Variants in YIPF4 observed in about 807,000 individuals in gnomAD.
The protein encoded by YIPF4 is protein YIPF4.
A neutral mutation model predicts 29.4 loss-of-function variants in YIPF4; 18 were observed. That is an observed-to-expected ratio of 0.61 (90% CI 0.42 to 0.91). The LOEUF is 0.91. YIPF4 is among the 40% of genes least tolerant of loss of function. The pLI is 0.00. For missense variants in YIPF4, 279 were observed against 282.7 expected (o/e 0.99, Z 0.09); for synonymous variants, 115 against 104.7 (o/e 1.10, Z -0.60).
Position 32,316,042 on chromosome 2 carries a change from C to CAAAAAAAAAAAAAAAAAAAAAAAAACA in YIPF4, c.*10431_*10432insAAAAAAAAAACAAAAAAAAAAAAAAAA. The CAAAAAAAAAAAAAAAAAAAAAAAAACA allele has an allele frequency of 9.6e-6, 1 of 104,278 alleles. No homozygotes were observed. Among genetic ancestry groups the CAAAAAAAAAAAAAAAAAAAAAAAAACA allele is most frequent in the Non-Finnish European group, 2.1e-5 (1 of 48,228 alleles). The allele number at this position is 104,278 out of a possible 1,614,324, so 6.5% of individuals were successfully genotyped here. Reference sequence around the variant, plus strand: ...CCAAAAAGGAAAAAAAAAAAAAAACCAAAAAAAAAAAAAAAGTATAAAGCA... The same window carrying CAAAAAAAAAAAAAAAAAAAAAAAAACA: ...CCAAAAAGGAAAAAAAAAAAAAAACCAAAAAAAAAAAAAAAAAAAAAAAAACAAAAAAAAAAAAAAAAGTATAAAGCA... On this transcript the variant is annotated 3_prime_UTR_variant, in exon 6 of 6. Coordinates refer to ENST00000238831, the MANE Select transcript of YIPF4 (RefSeq NM_032312.4).
chr2:32,299,158 A>C (rs2031305116), intron 4 of YIPF4, among the ~76,000 whole-genome samples: 1 of 152,186 alleles, frequency 6.6e-6, no homozygotes, highest in Non-Finnish European at 1.5e-5. Context: ...ACCGGTGTGA[A>C]CCACTGTGCC....
chr2:32,303,503 C>T (rs535795925), intron 5 of YIPF4, among the ~76,000 whole-genome samples: 3 of 152,154 alleles, frequency 2.0e-5, no homozygotes, highest in East Asian at 1.9e-4. Context: ...GAGCCCAGTT[C>T]GAGACTCAAC....
At chr2:32,293,682 C>G (rs1348897746) in intron 3 of YIPF4, among the ~76,000 whole-genome samples, 1 of 152,020 alleles carries the variant, frequency 6.6e-6, no homozygotes, top group Non-Finnish European at 1.5e-5. Flanking sequence ...CAGAGGCACC[C>G]CTCACCTCCC....
rs1187724534 is a variant in YIPF4 at position 32,316,026 on chromosome 2, A to G, written c.*10400A>G. 2.2e-5 allele frequency: 3 copies of G among 137,170 alleles called. No individual in the cohort carries two copies. The highest frequency in any genetic ancestry group is 5.7e-5 in the African/African-American group (2 of 35,086). 8.5% of individuals were successfully genotyped at this position (137,170 alleles called of 1,614,324 possible). On this transcript the variant is annotated 3_prime_UTR_variant, in exon 6 of 6. Coordinates refer to ENST00000238831, the MANE Select transcript of YIPF4 (RefSeq NM_032312.4). Reference sequence around the variant, plus strand: ...CGAGACCCCGTTCTCCCCAAAAAGGAAAAAAAAAAAAAAACCAAAAAAAAA... The same window carrying G: ...CGAGACCCCGTTCTCCCCAAAAAGGGAAAAAAAAAAAAAACCAAAAAAAAA...
At position 32,315,096 on chromosome 2, in the gene YIPF4, C is replaced by G. The variant is rs187639731; in HGVS notation, c.*9470C>G. The G allele has an allele frequency of 6.6e-6, 1 of 152,184 alleles. No individual in the cohort carries two copies. The highest frequency in any genetic ancestry group is 6.5e-5 in the Admixed American group (1 of 15,280). 9.4% of individuals were successfully genotyped at this position (152,184 alleles called of 1,614,324 possible). Reference sequence around the variant, plus strand: ...AAGAACTCAAGGTCCATTTATTGCTCTATTCTGCCATCTTTGGTGAGTGGC... The same window carrying G: ...AAGAACTCAAGGTCCATTTATTGCTGTATTCTGCCATCTTTGGTGAGTGGC... On this transcript the variant is annotated 3_prime_UTR_variant, in exon 6 of 6. Transcript: ENST00000238831.
At chr2:32,282,852 G>A (rs564875411) in intron 1 of YIPF4, among the ~76,000 whole-genome samples, 41 of 151,988 alleles carry the variant, frequency 2.7e-4, no homozygotes, top group African/African-American at 6.7e-4. Context: ...CGAGGTGGGC[G>A]GATCACGAGG....
chr2:32,278,308 C>G (rs895798872), intron 1 of YIPF4, 74 bp downstream of exon 1: 4 of 1,416,832 alleles, frequency 2.8e-6, no homozygotes, highest in Admixed American at 4.8e-5. Flanking sequence ...TTTCTGGTGC[C>G]GAGGTGGTCG....
rs879724502 is a variant in YIPF4, at chr2:32,305,784, TTTAA to T, written c.*163_*166del. The T allele has an allele frequency of 7.6e-5, 94 of 1,243,330 alleles. No homozygotes were observed. Among genetic ancestry groups the T allele is most frequent in the Non-Finnish European group, 8.9e-5 (89 of 994,902 alleles). 77.0% of individuals were successfully genotyped at this position (1,243,330 alleles called of 1,614,324 possible). The stretch of plus-strand genomic sequence containing the variant: ...CTTTTTAAAACAATTTTTTTTTGTA[TTTAA>T]TTAAGCAATTGCAGTTATCTGGGAT... On this transcript the variant is annotated 3_prime_UTR_variant, in exon 6 of 6. Coordinates refer to ENST00000238831, the MANE Select transcript of YIPF4 (RefSeq NM_032312.4).
chr2:32,293,105 T>C (rs2030993858), intron 3 of YIPF4, among the ~76,000 whole-genome samples: 1 of 151,904 alleles, frequency 6.6e-6, no homozygotes, highest in African/African-American at 2.4e-5. Flanking sequence ...TTGATCATTC[T>C]TGGGTGTTTC....
In YIPF4 at chr2:32,290,491, G is replaced by C. The variant is rs769189688; in HGVS notation, c.88G>C (p.Gly30Arg). 6.5e-7 allele frequency: 1 copy of C among 1,543,532 alleles called. No homozygotes were observed. Among genetic ancestry groups the C allele is most frequent in the South Asian group, 1.3e-5 (1 of 79,198 alleles). ...TCCTCTTTTCTCCTAAGATCTCAGT[G>C]GTTCAATAGCATCCCCAGATGTCAA... is the stretch of plus-strand genomic sequence containing the variant. ...VSSADAEDLS[G>R]SIASPDVKLN... is the part of the protein sequence containing the mutation. Residue 30 changes from glycine (G) to arginine (R), a missense_variant, in exon 2 of 6, where the codon GGT (glycine) becomes CGT (arginine). Transcript: ENST00000238831.
intron 1 of YIPF4, among the ~76,000 whole-genome samples, chr2:32,287,669 T>G (rs914333392): frequency 1.3e-5 from 2 of 152,146 alleles, no homozygotes; most frequent in African/African-American, 4.8e-5. Context: ...AGTCATACAT[T>G]TGAGTTGAAA....
At chr2:32,279,419 A>T in intron 1 of YIPF4, among the ~76,000 whole-genome samples, 1 of 83,494 alleles carries the variant, frequency 1.2e-5, no homozygotes, top group Non-Finnish European at 2.3e-5. Context: ...TTTTTTTGAG[A>T]CTGAGTCTCG....
intron 3 of YIPF4, among the ~76,000 whole-genome samples, chr2:32,295,535 C>T (rs554009995): frequency 6.6e-6 from 1 of 152,282 alleles, no homozygotes; most frequent in East Asian, 1.9e-4. Flanking sequence ...TGGCTTCTGG[C>T]TGCGTCACTA....
rs1276940830 is a variant in YIPF4 at position 32,309,155 on chromosome 2, T to G, written c.*3529T>G. On this transcript the variant is annotated 3_prime_UTR_variant, in exon 6 of 6. Transcript: ENST00000238831. Reference sequence around the variant, plus strand: ...CTTATTTCTAAGGTCTGTAAGACAGTTTTATATGTAATAATGTGTCCATTT... The same window carrying G: ...CTTATTTCTAAGGTCTGTAAGACAGGTTTATATGTAATAATGTGTCCATTT... 6.6e-6 allele frequency: 1 copy of G among 152,152 alleles called. No individual in the cohort carries two copies. Among genetic ancestry groups the G allele is most frequent in the Non-Finnish European group, 1.5e-5 (1 of 68,024 alleles). 9.4% of individuals were successfully genotyped at this position (152,152 alleles called of 1,614,324 possible). A position where few individuals can be genotyped will look rare whatever the true frequency, so the allele number is the denominator to read the frequency against.
At chr2:32,285,128 A>G (rs2030610796) in intron 1 of YIPF4, among the ~76,000 whole-genome samples, 1 of 152,174 alleles carries the variant, frequency 6.6e-6, no homozygotes, top group African/African-American at 2.4e-5. Context: ...GGTGGTAGAA[A>G]TGGTAAGTGG....
intron 3 of YIPF4, among the ~76,000 whole-genome samples, chr2:32,297,932 G>T (rs1471230723): frequency 6.6e-6 from 1 of 152,054 alleles, no homozygotes; most frequent in Non-Finnish European, 1.5e-5. Flanking sequence ...CTTCTGGGAT[G>T]CTGTAAGACA....
At chr2:32,295,927 T>C (rs2031161316) in intron 3 of YIPF4, among the ~76,000 whole-genome samples, 2 of 152,128 alleles carry the variant, frequency 1.3e-5, no homozygotes, top group South Asian at 4.1e-4. Context: ...TTAAGGACAA[T>C]TGTTACTACA....
chr2:32,297,260 G>C (rs1358272426), intron 3 of YIPF4, among the ~76,000 whole-genome samples: 2 of 151,940 alleles, frequency 1.3e-5, no homozygotes, highest in Non-Finnish European at 2.9e-5. Context: ...GAATAGCTGG[G>C]ATTACAGGCA....
In YIPF4 at chr2:32,298,275, A is replaced by C. The variant is rs766931397; in HGVS notation, c.447A>C (p.Leu149=). The stretch of plus-strand genomic sequence containing the variant: ...TAACCATTTGGATATTTGGTTCACT[A>C]ACAATTTTCTTACTGGCCAGAGTTC... ...WIITIWIFGS[L]TIFLLARVLG... Residue 149 remains leucine, a synonymous_variant, in exon 4 of 6, where the codon CTA becomes CTC. Coordinates refer to ENST00000238831, the MANE Select transcript of YIPF4 (RefSeq NM_032312.4). 6.2e-7 allele frequency: 1 copy of C among 1,610,136 alleles called. No homozygotes were observed. Among genetic ancestry groups the C allele is most frequent in the African/African-American group, 1.3e-5 (1 of 74,850 alleles).
Sources: gnomAD v4.1 joint callset for allele counts (sites outside exome capture counted in the v4.1 genomes callset) on GRCh38, gnomAD v4.1.1 for gene constraint, MANE v1.5 for transcripts, NCBI Gene and HGNC (gene_info 2026-07-23, HGNC 2026-07-21) for gene names.